The following NYAP2 variants were observed in gnomAD, a reference collection of about 807,000 sequenced individuals.
NYAP2 encodes neuronal tyrosine-phosphorylated phosphoinositide-3-kinase adaptor 2, also known as neuronal tyrosine-phosphorylated phosphoinositide-3-kinase adapter 2.
In NYAP2, 23 loss-of-function variants were observed where a neutral mutation model predicts 50.4. That is an observed-to-expected ratio of 0.46 (90% CI 0.33 to 0.65). The LOEUF (loss-of-function observed/expected upper bound fraction) is 0.65, where lower values mean the gene tolerates loss of function less well. Among genes scored for constraint, NYAP2 ranks in the 30% least tolerant of loss-of-function variants. The pLI, the probability that NYAP2 is intolerant of heterozygous loss-of-function variation, is 0.02. For synonymous variants in NYAP2, 394 were observed against 365.2 expected (o/e 1.08, Z -0.90); for missense variants, 885 against 861.0 (o/e 1.03, Z -0.35).
chr2:225,424,953 T>A (rs1574607727), intron 3 of NYAP2, among the ~76,000 whole-genome samples: 1 of 152,192 alleles, frequency 6.6e-6, no homozygotes, highest in East Asian at 1.9e-4. Flanking sequence ...AAGATTGAGT[T>A]CGTTTCCATC....
chr2:225,535,410 T>C (rs1691332544), intron 4 of NYAP2, among the ~76,000 whole-genome samples: 1 of 152,184 alleles, frequency 6.6e-6, no homozygotes, highest in Admixed American at 6.5e-5. Context: ...GTAGATATCT[T>C]GTAACAGAGT....
the NYAP2 span, among the ~76,000 whole-genome samples, chr2:225,676,124 A>G: frequency 6.6e-6 from 1 of 152,020 alleles, no homozygotes; most frequent in African/African-American, 2.4e-5. Context: ...TCTATTGGTA[A>G]TTTGTTTTGC....
Position 225,538,752 on chromosome 2 carries a change from A to ATTTTC in NYAP2, c.523+25109_523+25113dup, listed in dbSNP as rs143281315. ...CTTGAATTTCTCCTCAGAAAATGAGATTTTCTTTTCTTTTCTTTTCTTTTC... is the reference window on the plus strand; with the variant it reads ...CTTGAATTTCTCCTCAGAAAATGAGATTTTCTTTTCTTTTCTTTTCTTTTCTTTTC... On this transcript the variant is annotated intron_variant, in intron 4 of 6. Transcript: ENST00000636099. 4.7e-4 allele frequency among the ~76,000 whole-genome samples: 58 copies of ATTTTC among 124,106 alleles called. 1 individual carries two copies. The highest frequency in any genetic ancestry group is 6.3e-4 in the African/African-American group (20 of 31,660). 81.4% of individuals were successfully genotyped at this position (124,106 alleles called of 152,430 possible). A position where few individuals can be genotyped will look rare whatever the true frequency, so the allele number is the denominator to read the frequency against.
chr2:225,648,481 G>A (rs535787102), intron 6 of NYAP2, among the ~76,000 whole-genome samples: 1 of 152,256 alleles, frequency 6.6e-6, no homozygotes, highest in East Asian at 1.9e-4. Flanking sequence ...AGTCTGCATT[G>A]TGTCTAAGTT....
intron 6 of NYAP2, among the ~76,000 whole-genome samples, chr2:225,644,013 T>C (rs36145536): frequency 0.16 from 21,089 of 136,038 alleles, 1,735 homozygotes; most frequent in East Asian, 0.35. Flanking sequence ...CCTGAGGAAT[T>C]GCCACACTGA....
rs979489254 is a variant in NYAP2, at chr2:225,448,101, G to A, written c.221+39000G>A. On this transcript the variant is annotated intron_variant, in intron 3 of 6. Coordinates refer to ENST00000636099, the Ensembl canonical transcript of NYAP2. ...TCTGCTGGCAAAATACAAGTGTGAC[G>A]CTATGGCTGGTAAGTGATAGATCCA... Among the ~76,000 whole-genome samples, 7 of 152,148 alleles carry A rather than the reference G, an allele frequency of 4.6e-5. No individual in the cohort carries two copies. The East Asian group carries it at 9.6e-4, about 21-fold the overall frequency.
chr2:225,488,638 G>T (rs1203179813), intron 3 of NYAP2, among the ~76,000 whole-genome samples: 1 of 152,204 alleles, frequency 6.6e-6, no homozygotes, highest in Non-Finnish European at 1.5e-5. Flanking sequence ...CTCCCAAAGT[G>T]CTGGGATTAT....
chr2:225,668,956 C>CT, the NYAP2 span, among the ~76,000 whole-genome samples: 34 of 69,568 alleles, frequency 4.9e-4, no homozygotes, highest in East Asian at 1.6e-3. Flanking sequence ...GTGTCCCCTG[C>CT]TTTTTTTTTT....
chr2:225,673,169 T>C, the NYAP2 span, among the ~76,000 whole-genome samples: 2 of 152,006 alleles, frequency 1.3e-5, no homozygotes, highest in African/African-American at 4.8e-5. Context: ...TATGGAACCA[T>C]CGGACCTGGT....
intron 5 of NYAP2, among the ~76,000 whole-genome samples, chr2:225,619,127 C>G (rs901676772): frequency 6.6e-6 from 1 of 152,174 alleles, no homozygotes; most frequent in Non-Finnish European, 1.5e-5. Context: ...ATGTAAGGAA[C>G]TTTAAATGCA....
chr2:225,456,362 T>G (rs1250221930), intron 3 of NYAP2, among the ~76,000 whole-genome samples: 1 of 152,230 alleles, frequency 6.6e-6, no homozygotes, highest in Non-Finnish European at 1.5e-5. Context: ...GCATCTTCTC[T>G]TCTGAGACTG....
chr2:225,681,873 G>T, the NYAP2 span, among the ~76,000 whole-genome samples: 1 of 152,154 alleles, frequency 6.6e-6, no homozygotes, highest in Non-Finnish European at 1.5e-5. Context: ...GCATCATAAT[G>T]TCAACCTTAT....
intron 4 of NYAP2, among the ~76,000 whole-genome samples, chr2:225,563,995 T>C (rs948797933): frequency 6.6e-6 from 1 of 152,136 alleles, no homozygotes; most frequent in Non-Finnish European, 1.5e-5. Context: ...TCCTTTCTTA[T>C]AGTTTAGACT....
intron 6 of NYAP2, among the ~76,000 whole-genome samples, chr2:225,637,289 C>T (rs532233048): frequency 1.3e-4 from 20 of 152,158 alleles, no homozygotes; most frequent in South Asian, 8.3e-4. Flanking sequence ...ATTTTTGTTA[C>T]GCAACAGGAA....
At chr2:225,653,806 T>A (rs1487483130) in exon 7 of NYAP2, 1 of 151,960 alleles carries the variant, frequency 6.6e-6, no homozygotes, top group Non-Finnish European at 1.5e-5. Context: ...GATCACAAGG[T>A]CAGGAGATTG....
intron 4 of NYAP2, among the ~76,000 whole-genome samples, chr2:225,568,354 G>A (rs1691999861): frequency 1.3e-5 from 2 of 152,014 alleles, no homozygotes; most frequent in South Asian, 2.1e-4. Flanking sequence ...GGATAATGTT[G>A]AGTATTCCTT....
intron 3 of NYAP2, among the ~76,000 whole-genome samples, chr2:225,477,135 G>A (rs1339947510): frequency 9.3e-5 from 14 of 151,234 alleles, no homozygotes; most frequent in Non-Finnish European, 2.1e-4. Flanking sequence ...GTATACCTCT[G>A]TAGCAGTGCT....
At chr2:225,458,751 A>C (rs1273876993) in intron 3 of NYAP2, among the ~76,000 whole-genome samples, 1 of 152,356 alleles carries the variant, frequency 6.6e-6, no homozygotes, top group African/African-American at 2.4e-5. Context: ...ATTTAAATTC[A>C]CATGGTATGT....
At chr2:225,522,413 A>G (rs1458999724) in intron 4 of NYAP2, among the ~76,000 whole-genome samples, 4 of 152,098 alleles carry the variant, frequency 2.6e-5, no homozygotes, top group African/African-American at 9.7e-5. Flanking sequence ...ATGTCTTTGG[A>G]AGCAAAAATT....
Sources: allele counts gnomAD v4.1 joint callset (sites outside exome capture counted in the v4.1 genomes callset), GRCh38; gene constraint gnomAD v4.1.1; transcripts MANE v1.5; gene names NCBI Gene and HGNC (gene_info 2026-07-23, HGNC 2026-07-21).